Variants in NCS1 observed in about 807,000 individuals in gnomAD.
NCS1 encodes the protein neuronal calcium sensor 1, also known as frequenin homolog.
NCS1 carries 6 observed loss-of-function variants against 28.4 expected under a neutral mutation model. The observed-to-expected ratio is 0.21, with a 90% CI of 0.12 to 0.42. The LOEUF (loss-of-function observed/expected upper bound fraction) is 0.42, where lower values mean the gene tolerates loss of function less well. Ranked by LOEUF, NCS1 falls within the 10% of genes least tolerant of loss-of-function variation. The pLI, the probability that NCS1 is intolerant of heterozygous loss-of-function variation, is 1.00. For synonymous variants in NCS1, 86 were observed against 99.3 expected, an observed-to-expected ratio of 0.87 and a Z score of 0.79; for missense variants, 131 against 241.4, an observed-to-expected ratio of 0.54 and a Z score of 3.03.
At chr9:130,202,888 A>G (rs1251549540) in intron 2 of NCS1, among the ~76,000 whole-genome samples, 1 of 151,804 alleles carries the variant, frequency 6.6e-6, no homozygotes, top group Admixed American at 6.6e-5. Flanking sequence ...CCTGCCATTG[A>G]CTTCTGGGAG....
intron 2 of NCS1, among the ~76,000 whole-genome samples, chr9:130,216,830 C>T (rs1048213281): frequency 2.9e-5 from 4 of 140,024 alleles, no homozygotes; most frequent in Non-Finnish European, 6.2e-5. Context: ...AGCTAATAGC[C>T]GGTGTTGGTG....
intron 4 of NCS1, 91 bp from the exon 5 acceptor site, chr9:130,222,559 T>A (rs1554910716): frequency 9.3e-7 from 1 of 1,071,934 alleles, no homozygotes; most frequent in Non-Finnish European, 1.4e-6. Flanking sequence ...GGTCGCTGAC[T>A]TCATGTTGGG....
intron 4 of NCS1, among the ~76,000 whole-genome samples, chr9:130,221,055 G>C (rs192240831): frequency 6.6e-6 from 1 of 151,960 alleles, no homozygotes; most frequent in East Asian, 1.9e-4. Context: ...ACAGAGTCTC[G>C]CTCTGTTGCT....
At chr9:130,223,254 C>A in intron 6 of NCS1, 95 bp downstream of exon 6, 2 of 1,149,718 alleles carry the variant, frequency 1.7e-6, no homozygotes, top group Non-Finnish European at 2.6e-6. Flanking sequence ...GCTTTGCTGC[C>A]AACCTCCTCC....
In NCS1 at chr9:130,217,979, G is replaced by C. The variant is rs1554909624; in HGVS notation, c.228+9G>C. On this transcript the variant is annotated intron_variant, in intron 3 of 7. Transcript: ENST00000372398. ...TCTTTGATGAAAACAAGGTGAGCTG[G>C]GGATTGATGGGGCCTGCGGCAGCTG... 1.2e-6 allele frequency: 2 copies of C among 1,614,152 alleles called. No individual in the cohort carries two copies. Among genetic ancestry groups the C allele is most frequent in the Admixed American group, 1.7e-5 (1 of 60,030 alleles).
At chr9:130,221,411 TATAGAGAGAG>T (rs1357581062) in intron 4 of NCS1, among the ~76,000 whole-genome samples, 14 of 51,986 alleles carry the variant, frequency 2.7e-4, no homozygotes, top group East Asian at 1.7e-3. Flanking sequence ...TATATATATA[TATAGAGAGAG>T]AGAGAGAGAG....
intron 1 of NCS1, among the ~76,000 whole-genome samples, chr9:130,173,373 A>G (rs1196666679): frequency 6.6e-6 from 1 of 152,034 alleles, no homozygotes; most frequent in Non-Finnish European, 1.5e-5. Context: ...GCCGCGTGTG[A>G]TCATTAGCTG....
At chr9:130,195,307 G>A (rs1832864070) in intron 1 of NCS1, among the ~76,000 whole-genome samples, 2 of 152,164 alleles carry the variant, frequency 1.3e-5, no homozygotes, top group Admixed American at 6.5e-5. Context: ...TGCCCCCTTG[G>A]TCAGACCCCC....
chr9:130,198,316 G>T (rs12238545), intron 1 of NCS1, among the ~76,000 whole-genome samples: 1 of 152,178 alleles, frequency 6.6e-6, no homozygotes, highest in African/African-American at 2.4e-5. Flanking sequence ...GGGAGACATG[G>T]GTGGGGGGTG....
intron 2 of NCS1, among the ~76,000 whole-genome samples, chr9:130,202,296 G>A (rs1325910674): frequency 6.6e-6 from 1 of 152,202 alleles, no homozygotes; most frequent in African/African-American, 2.4e-5. Context: ...GCTTCCTGAT[G>A]TTTGCCCAGG....
In NCS1 at chr9:130,181,970, C is replaced by T. The variant is rs1016725809; in HGVS notation, c.64+9243C>T. 4.9e-4 allele frequency among the ~76,000 whole-genome samples: 74 copies of T among 152,072 alleles called. 1 individual carries two copies. Among genetic ancestry groups the T allele is most frequent in the Admixed American group, 3.3e-3 (50 of 15,288 alleles). ...AGGGAGGCACAGACAGGCCGGGAGCCGCGCCAAAGGCTGGGAGCTCAGCTG... is the reference window on the plus strand; with the variant it reads ...AGGGAGGCACAGACAGGCCGGGAGCTGCGCCAAAGGCTGGGAGCTCAGCTG... On this transcript the variant is annotated intron_variant, in intron 1 of 7. Transcript: ENST00000372398. The surrounding 1 kb of genome is among the most constrained non-coding windows in gnomAD (Gnocchi z 5.0).
intron 4 of NCS1, 89 bp from the exon 5 acceptor site, chr9:130,222,561 C>A: frequency 9.2e-7 from 1 of 1,086,784 alleles, no homozygotes. Context: ...TCGCTGACTT[C>A]ATGTTGGGGT....
chr9:130,221,169 A>C (rs1554910202), intron 4 of NCS1, among the ~76,000 whole-genome samples: 1 of 151,570 alleles, frequency 6.6e-6, no homozygotes, highest in African/African-American at 2.4e-5. Context: ...GATTACAGGC[A>C]TGTGCCACCA....
chr9:130,185,401 T>A (rs1554905535), intron 1 of NCS1, among the ~76,000 whole-genome samples: 4 of 152,350 alleles, frequency 2.6e-5, no homozygotes. Context: ...TGCTTTCCGT[T>A]TCTGTCCAGC....
intron 2 of NCS1, among the ~76,000 whole-genome samples, chr9:130,207,531 G>GT (rs1220356204): frequency 6.6e-6 from 1 of 152,270 alleles, no homozygotes; most frequent in Non-Finnish European, 1.5e-5. Context: ...GGAGGTCCCT[G>GT]TCTGTCCTGT....
In NCS1 at chr9:130,186,515, G is replaced by T; in HGVS notation, c.64+13788G>T. ...GATGAGAAGTTTGCGGGGAGGGTTT[G>T]TGTGGGGGACGATGAGAGTGCTTCA... is the stretch of plus-strand genomic sequence containing the variant. On this transcript the variant is annotated intron_variant, in intron 1 of 7. Coordinates refer to ENST00000372398, the MANE Select transcript of NCS1 (RefSeq NM_014286.4). The surrounding 1 kb of genome is among the most constrained non-coding windows in gnomAD (Gnocchi z 4.1). Among the ~76,000 whole-genome samples, 1 of 152,146 alleles carries T rather than the reference G, an allele frequency of 6.6e-6. No homozygotes were observed. The highest frequency in any genetic ancestry group is 1.9e-4 in the East Asian group (1 of 5,194).
chr9:130,204,227 G>T (rs939639552), intron 2 of NCS1, among the ~76,000 whole-genome samples: 1 of 151,910 alleles, frequency 6.6e-6, no homozygotes, highest in East Asian at 1.9e-4. Context: ...GAACTCCTGA[G>T]CTCAAGTGAT....
intron 1 of NCS1, among the ~76,000 whole-genome samples, chr9:130,188,674 G>A (rs1832773447): frequency 6.6e-6 from 1 of 151,424 alleles, no homozygotes; most frequent in South Asian, 2.1e-4. Context: ...GCCTCCCAAA[G>A]TGCTGGGATT....
intron 1 of NCS1, among the ~76,000 whole-genome samples, chr9:130,173,202 G>C (rs113837559): frequency 2.0e-5 from 3 of 151,632 alleles, no homozygotes; most frequent in Non-Finnish European, 2.9e-5. Flanking sequence ...GTTCGTGTGG[G>C]GGGGGGGGTG....
Sources: gnomAD v4.1 joint callset for allele counts (sites outside exome capture counted in the v4.1 genomes callset) on GRCh38, gnomAD v4.1.1 for gene constraint, Gnocchi (gnomAD v3.1) non-coding constraint, MANE v1.5 for transcripts, NCBI Gene and HGNC (gene_info 2026-07-23, HGNC 2026-07-21) for gene names.